The following SORCS2 variants were observed in gnomAD, a reference collection of about 807,000 sequenced individuals.
The protein encoded by SORCS2 is sortilin related VPS10 domain containing receptor 2, also known as VPS10 domain-containing receptor SorCS2.
SORCS2 carries 100 observed loss-of-function variants against 141.6 expected under a neutral mutation model. That is an observed-to-expected ratio of 0.71 (90% CI 0.60 to 0.83). SORCS2 has a LOEUF of 0.83. Ranked by LOEUF, SORCS2 falls within the 40% of genes least tolerant of loss-of-function variation. The pLI, the probability that SORCS2 is intolerant of heterozygous loss-of-function variation, is 0.00. For missense variants in SORCS2, 1,646 were observed against 1,560.2 expected, an observed-to-expected ratio of 1.05 and a Z score of -0.93; for synonymous variants, 789 against 676.9, an observed-to-expected ratio of 1.17 and a Z score of -2.57.
In SORCS2 at chr4:7,309,805, C is replaced by T. The variant is rs114384875; in HGVS notation, c.481-86483C>T. Among the ~76,000 whole-genome samples, 461 of 152,220 alleles carry T rather than the reference C, an allele frequency of 3.0e-3. 2 individuals are homozygous for T. The highest frequency in any genetic ancestry group is 0.011 in the African/African-American group (444 of 41,550). Reference sequence around the variant, plus strand: ...CAGGCTGGGGAGAGGGCCTGAGGCCCGCGTAACCCACCGGGAGAGGAGATA... The same window carrying T: ...CAGGCTGGGGAGAGGGCCTGAGGCCTGCGTAACCCACCGGGAGAGGAGATA... On this transcript the variant is annotated intron_variant, in intron 1 of 26. Coordinates refer to ENST00000507866, the MANE Select transcript of SORCS2 (RefSeq NM_020777.3).
chr4:7,426,961 G>C (rs560029275), intron 2 of SORCS2, among the ~76,000 whole-genome samples: 4 of 152,352 alleles, frequency 2.6e-5, no homozygotes, highest in African/African-American at 9.6e-5. Flanking sequence ...CCTGAGGACA[G>C]GCTTCCTGGG....
In SORCS2 at chr4:7,687,893, C is replaced by G. The variant is rs1723974504; in HGVS notation, c.1489-1593C>G. 2.0e-5 allele frequency among the ~76,000 whole-genome samples: 3 copies of G among 152,178 alleles called. No homozygotes were observed. In the South Asian group the frequency reaches 6.2e-4, roughly 32 times the overall value. ...TCACCTCGCTATCCCCCATCAGCCT[C>G]CAGCCCCTAGCAACCAACTGTCCGT... On this transcript the variant is annotated intron_variant, in intron 10 of 26. Coordinates refer to ENST00000507866, the MANE Select transcript of SORCS2 (RefSeq NM_020777.3).
chr4:7,321,560 T>C (rs1718895107), intron 1 of SORCS2, among the ~76,000 whole-genome samples: 2 of 152,246 alleles, frequency 1.3e-5, no homozygotes, highest in Admixed American at 6.5e-5. Context: ...TGAAAGAAGA[T>C]GCCTGCTCTC....
chr4:7,292,451 A>G (rs1716677724), intron 1 of SORCS2, among the ~76,000 whole-genome samples: 1 of 152,188 alleles, frequency 6.6e-6, no homozygotes, highest in Admixed American at 6.5e-5. Context: ...ACTGGTGTGG[A>G]TCGTGGTGGT....
At chr4:7,688,832 C>G (rs534969819) in intron 10 of SORCS2, among the ~76,000 whole-genome samples, 1 of 152,256 alleles carries the variant, frequency 6.6e-6, no homozygotes, top group African/African-American at 2.4e-5. Flanking sequence ...CCTCTGGGAC[C>G]CAGTATCTCA....
intron 2 of SORCS2, among the ~76,000 whole-genome samples, chr4:7,477,808 C>T (rs193201021): frequency 2.0e-5 from 3 of 152,290 alleles, no homozygotes; most frequent in African/African-American, 4.8e-5. Flanking sequence ...GTGAGACAAG[C>T]GTGGAACAGA....
chr4:7,607,395 C>G (rs556606946), intron 3 of SORCS2, among the ~76,000 whole-genome samples: 8 of 152,230 alleles, frequency 5.3e-5, no homozygotes, highest in African/African-American at 1.9e-4. Flanking sequence ...TGTTCTGCAG[C>G]CTGCCCCGCC....
intron 1 of SORCS2, among the ~76,000 whole-genome samples, chr4:7,311,957 T>G (rs1179833704): frequency 6.6e-6 from 1 of 152,078 alleles, no homozygotes; most frequent in Non-Finnish European, 1.5e-5. Context: ...CTCACTGCAA[T>G]TGGCGCCTCC....
intron 3 of SORCS2, among the ~76,000 whole-genome samples, chr4:7,629,368 G>A (rs938998743): frequency 6.6e-6 from 1 of 152,160 alleles, no homozygotes; most frequent in Admixed American, 6.5e-5. Flanking sequence ...GGTGGCCAGA[G>A]CCAGGTGAGA....
At chr4:7,260,784 C>G (rs1577331848) in intron 1 of SORCS2, among the ~76,000 whole-genome samples, 2 of 152,214 alleles carry the variant, frequency 1.3e-5, no homozygotes, top group East Asian at 3.9e-4. Flanking sequence ...TGAAGGCCCA[C>G]TAGCGCTGGA....
intron 2 of SORCS2, among the ~76,000 whole-genome samples, chr4:7,487,155 A>C (rs1390835990): frequency 1.3e-5 from 2 of 152,172 alleles, no homozygotes; most frequent in African/African-American, 4.8e-5. Context: ...GTGCGTGCTC[A>C]GGGGACCCCT....
At chr4:7,433,547 A>G (rs557945413) in intron 2 of SORCS2, 1 of 1,610,762 alleles carries the variant, frequency 6.2e-7, no homozygotes. Flanking sequence ...ACGGGCTCGT[A>G]CTGGGTGACG....
intron 3 of SORCS2, among the ~76,000 whole-genome samples, chr4:7,618,788 A>C (rs1718932949): frequency 6.6e-6 from 1 of 151,480 alleles, no homozygotes; most frequent in Admixed American, 6.6e-5. Context: ...TTTTTTCACT[A>C]TTTGAGAGTA....
chr4:7,588,957 G>A (rs1272827625), intron 3 of SORCS2, among the ~76,000 whole-genome samples: 1 of 152,198 alleles, frequency 6.6e-6, no homozygotes, highest in African/African-American at 2.4e-5. Flanking sequence ...AGGGATTTGG[G>A]GCAATTCAGA....
At chr4:7,620,793 A>T (rs895952692) in intron 3 of SORCS2, among the ~76,000 whole-genome samples, 12 of 152,100 alleles carry the variant, frequency 7.9e-5, no homozygotes, top group African/African-American at 2.9e-4. Flanking sequence ...CTAGTGGTGA[A>T]GGCGCTGAGG....
intron 1 of SORCS2, among the ~76,000 whole-genome samples, chr4:7,314,717 G>C (rs1425043726): frequency 6.6e-6 from 1 of 151,474 alleles, no homozygotes; most frequent in Non-Finnish European, 1.5e-5. Flanking sequence ...GGAGGGACCA[G>C]GTCTTGTCAC....
chr4:7,382,449 G>C lies in SORCS2; in HGVS notation c.481-13839G>C, dbSNP rs550902344. Among the ~76,000 whole-genome samples the C allele has an allele frequency of 4.9e-4, 75 of 152,214 alleles. No homozygotes were observed. In the East Asian group the frequency reaches 0.011, roughly 23 times the overall value. ...CAGGCCCCTCCTGAGACAGCCCCAG[G>C]GCTGCACCAGATCCCCGAGTTGAGT... On this transcript the variant is annotated intron_variant, in intron 1 of 26. Coordinates refer to ENST00000507866, the MANE Select transcript of SORCS2 (RefSeq NM_020777.3).
At position 7,220,599 on chromosome 4, in the gene SORCS2, G is replaced by GGCT. The variant is rs1420829642; in HGVS notation, c.480+27478_480+27480dup. ...ATGGGTGAGGTTGATTCAGGCAAGG[G>GGCT]GCTGCTGTCTAGCTCAGAGGGAGTG... On this transcript the variant is annotated intron_variant, in intron 1 of 26. Transcript: ENST00000507866. 2.6e-5 allele frequency among the ~76,000 whole-genome samples: 4 copies of GGCT among 152,152 alleles called. 1 individual carries two copies. Among genetic ancestry groups the GGCT allele is most frequent in the Admixed American group, 2.6e-4 (4 of 15,278 alleles).
chr4:7,451,013 T>A (rs1388329640), intron 2 of SORCS2, among the ~76,000 whole-genome samples: 2 of 148,606 alleles, frequency 1.3e-5, no homozygotes, highest in Admixed American at 1.3e-4. Context: ...AGTGAATGAA[T>A]GAGGAAGTGA....
Sources: allele counts gnomAD v4.1 joint callset (sites outside exome capture counted in the v4.1 genomes callset), GRCh38; gene constraint gnomAD v4.1.1; transcripts MANE v1.5; gene names NCBI Gene and HGNC (gene_info 2026-07-23, HGNC 2026-07-21).